The following ARL15 variants were observed in gnomAD, a reference collection of about 807,000 sequenced individuals.
ARL15 encodes ADP-ribosylation factor-like protein 15.
In ARL15, 19 loss-of-function variants were observed where a neutral mutation model predicts 25.2. That is an observed-to-expected ratio of 0.75 (90% CI 0.53 to 1.10). The LOEUF (loss-of-function observed/expected upper bound fraction) is 1.10, where lower values mean the gene tolerates loss of function less well. Ranked by LOEUF, ARL15 falls within the 50% of genes least tolerant of loss-of-function variation. The pLI, the probability that ARL15 is intolerant of heterozygous loss-of-function variation, is 0.00. For missense variants in ARL15, 220 were observed against 246.0 expected (o/e 0.89, Z 0.71); for synonymous variants, 94 against 86.8 (o/e 1.08, Z -0.46).
chr5:54,209,265 C>T (rs577533955), intron 1 of ARL15, among the ~76,000 whole-genome samples: 2 of 151,274 alleles, frequency 1.3e-5, no homozygotes, highest in South Asian at 2.1e-4. Flanking sequence ...AATGCCTAAA[C>T]CTGAAAAATC....
At chr5:53,921,119 A>G (rs1745847665) in intron 4 of ARL15, among the ~76,000 whole-genome samples, 1 of 152,194 alleles carries the variant, frequency 6.6e-6, no homozygotes, top group Admixed American at 6.5e-5. Context: ...TAGCAACTGT[A>G]TTACTCTAAT....
At chr5:54,152,709 C>T (rs1465431558) in intron 3 of ARL15, among the ~76,000 whole-genome samples, 2 of 152,222 alleles carry the variant, frequency 1.3e-5, no homozygotes, top group Non-Finnish European at 2.9e-5. Flanking sequence ...ATCTCTTAAC[C>T]TCATTACGAA....
intron 2 of ARL15, among the ~76,000 whole-genome samples, chr5:54,164,742 T>A (rs1446426897): frequency 6.6e-6 from 1 of 152,002 alleles, no homozygotes; most frequent in Non-Finnish European, 1.5e-5. Flanking sequence ...AATCTATTTG[T>A]GTCTTTATAC....
Position 54,276,447 on chromosome 5 carries a change from T to C in ARL15, c.48+33985A>G, listed in dbSNP as rs374196914. 3.7e-4 allele frequency among the ~76,000 whole-genome samples: 57 copies of C among 152,366 alleles called. 1 individual carries two copies. In the South Asian group the frequency reaches 0.012, roughly 31 times the overall value. ...AAATTTTTAACCTTGGTTTTATATA[T>C]GATGACAACATTCTACACCCAGCAT... is the stretch of plus-strand genomic sequence containing the variant. On this transcript the variant is annotated intron_variant, in intron 1 of 4. Coordinates refer to ENST00000504924, the MANE Select transcript of ARL15 (RefSeq NM_019087.3).
intron 1 of ARL15, among the ~76,000 whole-genome samples, chr5:54,302,052 A>G (rs1758628617): frequency 6.6e-6 from 1 of 152,180 alleles, no homozygotes; most frequent in Non-Finnish European, 1.5e-5. Flanking sequence ...AATCAATGAA[A>G]GCAAAATCAG....
In ARL15 at chr5:54,081,089, T is replaced by C. The variant is rs1288840816; in HGVS notation, c.462+32113A>G. ...TTCCTAAAAACCCTATCTCCAAATA[T>C]AGTCATGTTGGGTGTTAGGACTTCA... is the stretch of plus-strand genomic sequence containing the variant. On this transcript the variant is annotated intron_variant, in intron 4 of 4. Coordinates refer to ENST00000504924, the MANE Select transcript of ARL15 (RefSeq NM_019087.3). Among the ~76,000 whole-genome samples, 8 of 152,178 alleles carry C rather than the reference T, an allele frequency of 5.3e-5. No individual in the cohort carries two copies. In the East Asian group the frequency reaches 1.3e-3, roughly 26 times the overall value.
intron 1 of ARL15, among the ~76,000 whole-genome samples, chr5:54,242,160 T>TACACACACGC (rs1756974966): frequency 6.6e-6 from 1 of 151,774 alleles, no homozygotes; most frequent in Non-Finnish European, 1.5e-5. Flanking sequence ...CCTGTACACG[T>TACACACACGC]ACACACACGC....
chr5:54,297,971 C>T (rs1200656995), intron 1 of ARL15, among the ~76,000 whole-genome samples: 2 of 152,096 alleles, frequency 1.3e-5, no homozygotes, highest in Non-Finnish European at 2.9e-5. Flanking sequence ...TTAGTAGAGA[C>T]GGGGTTTCAC....
intron 4 of ARL15, among the ~76,000 whole-genome samples, chr5:53,953,330 A>G (rs1424703176): frequency 6.6e-6 from 1 of 152,198 alleles, no homozygotes; most frequent in Non-Finnish European, 1.5e-5. Flanking sequence ...ATAAAGCACT[A>G]TGCAAATGTG....
At chr5:53,947,434 A>AC (rs1746786459) in intron 4 of ARL15, among the ~76,000 whole-genome samples, 1 of 152,128 alleles carries the variant, frequency 6.6e-6, no homozygotes, top group African/African-American at 2.4e-5. Flanking sequence ...AACTAATCAA[A>AC]CAAATGGCTT....
intron 4 of ARL15, among the ~76,000 whole-genome samples, chr5:54,017,076 T>C (rs1373193637): frequency 6.6e-6 from 1 of 152,200 alleles, no homozygotes; most frequent in Non-Finnish European, 1.5e-5. Context: ...TCCGCCTTTG[T>C]CGCCTCTGCC....
At chr5:53,912,224 G>C (rs903687199) in intron 4 of ARL15, 2 of 152,022 alleles carry the variant, frequency 1.3e-5, no homozygotes, top group East Asian at 3.9e-4. Flanking sequence ...TCGAAGCTAG[G>C]ACACCGAAGC....
intron 4 of ARL15, among the ~76,000 whole-genome samples, chr5:54,096,809 A>C (rs1752302889): frequency 6.6e-6 from 1 of 152,180 alleles, no homozygotes. Context: ...GTAGATAGGC[A>C]GGCCTATCTA....
chr5:54,242,301 T>C (rs1756978158), intron 1 of ARL15, among the ~76,000 whole-genome samples: 2 of 152,218 alleles, frequency 1.3e-5, no homozygotes, highest in South Asian at 4.1e-4. Flanking sequence ...GAAGTATTTT[T>C]ACAATCCTGC....
intron 4 of ARL15, among the ~76,000 whole-genome samples, chr5:54,005,175 T>C (rs1433693774): frequency 6.6e-6 from 1 of 152,068 alleles, no homozygotes; most frequent in African/African-American, 2.4e-5. Context: ...TAAACAGATA[T>C]GGGAACTGAG....
intron 4 of ARL15, among the ~76,000 whole-genome samples, chr5:54,026,566 G>C (rs1749792473): frequency 6.6e-6 from 1 of 152,150 alleles, no homozygotes; most frequent in South Asian, 2.1e-4. Flanking sequence ...CAGTGTGCCT[G>C]GCCTATACCT....
In ARL15 at chr5:53,907,488, A is replaced by ATT. The variant is rs869174212; in HGVS notation, c.463-20777_463-20776dup. On this transcript the variant is annotated intron_variant, in intron 4 of 4. Coordinates refer to ENST00000504924, the MANE Select transcript of ARL15 (RefSeq NM_019087.3). ...TATATATATATATATATATATATAT[A>ATT]TTTTTTTTTTTTTTTTTTTTTTTTT... 6.3e-3 allele frequency among the ~76,000 whole-genome samples: 114 copies of ATT among 18,012 alleles called. 20 individuals are homozygous for ATT. The highest frequency in any genetic ancestry group is 0.029 in the East Asian group (11 of 382). The allele number at this position is 18,012 out of a possible 152,430, so 11.8% of individuals were successfully genotyped here.
intron 4 of ARL15, among the ~76,000 whole-genome samples, chr5:54,082,107 A>AGGGAG (rs1554039046): frequency 7.4e-6 from 1 of 135,578 alleles, no homozygotes; most frequent in Non-Finnish European, 1.5e-5. Context: ...AAAGAAGGAA[A>AGGGAG]GGAGGGAGGG....
chr5:54,297,896 C>A (rs1233423058), intron 1 of ARL15, among the ~76,000 whole-genome samples: 1 of 152,170 alleles, frequency 6.6e-6, no homozygotes, highest in African/African-American at 2.4e-5. Context: ...CATCCTCCTG[C>A]CTCAGCCTCC....
Sources: allele counts gnomAD v4.1 joint callset (sites outside exome capture counted in the v4.1 genomes callset), GRCh38; gene constraint gnomAD v4.1.1; transcripts MANE v1.5; gene names NCBI Gene and HGNC (gene_info 2026-07-23, HGNC 2026-07-21).